ADGRL2: variants seen among roughly 807,000 people sequenced by gnomAD.
The protein encoded by ADGRL2 is calcium-independent alpha-latrotoxin receptor 2.
Under a neutral mutation model 157.4 loss-of-function variants are expected in ADGRL2, and 44 were observed. That is an observed-to-expected ratio of 0.28 (90% CI 0.22 to 0.36). The LOEUF (loss-of-function observed/expected upper bound fraction) is 0.36. ADGRL2 is among the 10% of genes least tolerant of loss of function. The probability of loss-of-function intolerance (pLI) is 1.00; values close to 1 mark genes in which losing one functional copy is unlikely to be tolerated. For missense variants in ADGRL2, 1,510 were observed against 1,768.9 expected (o/e 0.85, Z 2.63); for synonymous variants, 585 against 624.7 (o/e 0.94, Z 0.95).
rs1656382744 is a variant in ADGRL2 at position 81,964,235 on chromosome 1, C to A, written c.2018-1823C>A. Among the ~76,000 whole-genome samples the A allele has an allele frequency of 2.0e-5, 3 of 152,122 alleles. No homozygotes were observed. In the South Asian group the frequency reaches 6.2e-4, roughly 32 times the overall value. On this transcript the variant is annotated intron_variant, in intron 11 of 23. Coordinates refer to ENST00000686636, the MANE Select transcript of ADGRL2 (RefSeq NM_001366006.2). ...AAATATTTGTTTAATGCAATTAACT[C>A]TTTGTACATGTATATCTATGTTTGG...
chr1:81,535,617 A>G (rs1220647915), intron 2 of ADGRL2, among the ~76,000 whole-genome samples: 2 of 152,216 alleles, frequency 1.3e-5, no homozygotes, highest in East Asian at 3.9e-4. Context: ...AGCAGACAGC[A>G]GACCCAGACT....
At chr1:81,713,260 T>A (rs963638685) in intron 1 of ADGRL2, among the ~76,000 whole-genome samples, 6 of 152,114 alleles carry the variant, frequency 3.9e-5, no homozygotes, top group African/African-American at 1.2e-4. Flanking sequence ...GAGACGTGCA[T>A]TTTTATGTCA....
At chr1:81,901,147 CA>C (rs1337633815) in intron 2 of ADGRL2, among the ~76,000 whole-genome samples, 1 of 151,990 alleles carries the variant, frequency 6.6e-6, no homozygotes, top group Non-Finnish European at 1.5e-5. Context: ...CATAAAGAAA[CA>C]GAAAAGTTGA....
chr1:81,446,490 C>T (rs1447872186), intron 2 of ADGRL2, among the ~76,000 whole-genome samples: 1 of 152,196 alleles, frequency 6.6e-6, no homozygotes, highest in African/African-American at 2.4e-5. Context: ...TTGCCACTCA[C>T]GTTCATCCTT....
intron 6 of ADGRL2, among the ~76,000 whole-genome samples, chr1:81,946,325 T>C (rs932590766): frequency 1.3e-5 from 2 of 151,766 alleles, no homozygotes; most frequent in African/African-American, 4.8e-5. Flanking sequence ...ACGCATATTA[T>C]TTTTGTGCCT....
chr1:81,366,566 T>C (rs1205429741), intron 1 of ADGRL2, among the ~76,000 whole-genome samples: 3 of 152,186 alleles, frequency 2.0e-5, no homozygotes, highest in African/African-American at 7.2e-5. Context: ...CCTTAATATA[T>C]ACCAAGGTGA....
chr1:81,754,397 G>A (rs534921490), intron 1 of ADGRL2, among the ~76,000 whole-genome samples: 4 of 150,436 alleles, frequency 2.7e-5, no homozygotes, highest in African/African-American at 9.8e-5. Flanking sequence ...ATGAGACAAC[G>A]CGTGAGCCAC....
chr1:81,448,419 T>C (rs1336212742), intron 2 of ADGRL2, among the ~76,000 whole-genome samples: 1 of 152,102 alleles, frequency 6.6e-6, no homozygotes, highest in Non-Finnish European at 1.5e-5. Context: ...GTGCTGTGAT[T>C]ACAGGCATGA....
chr1:81,723,562 T>C (rs933005070), intron 1 of ADGRL2, among the ~76,000 whole-genome samples: 1 of 152,222 alleles, frequency 6.6e-6, no homozygotes, highest in African/African-American at 2.4e-5. Flanking sequence ...TAAAAGTTTA[T>C]TAGTGCGAGG....
At chr1:81,498,166 G>A (rs1329563047) in intron 2 of ADGRL2, among the ~76,000 whole-genome samples, 1 of 152,196 alleles carries the variant, frequency 6.6e-6, no homozygotes. Flanking sequence ...TATGAAGTAT[G>A]TGTTGTTTTC....
chr1:81,322,809 G>C (rs1261850796), intron 1 of ADGRL2, among the ~76,000 whole-genome samples: 1 of 152,084 alleles, frequency 6.6e-6, no homozygotes, highest in East Asian at 1.9e-4. Flanking sequence ...ACTAAGGGGA[G>C]ATACCATAAA....
intron 2 of ADGRL2, among the ~76,000 whole-genome samples, chr1:81,867,099 A>G (rs1377475188): frequency 6.6e-6 from 1 of 152,206 alleles, no homozygotes; most frequent in Non-Finnish European, 1.5e-5. Context: ...GATCTATGTT[A>G]TTTAAAATAG....
chr1:81,612,645 G>A (rs1263539788), intron 3 of ADGRL2, among the ~76,000 whole-genome samples: 2 of 151,892 alleles, frequency 1.3e-5, no homozygotes, highest in African/African-American at 4.8e-5. Flanking sequence ...TATGGATATA[G>A]TATGCCTATT....
At chr1:81,926,588 A>T (rs17470239) in intron 3 of ADGRL2, among the ~76,000 whole-genome samples, 1 of 151,932 alleles carries the variant, frequency 6.6e-6, no homozygotes, top group African/African-American at 2.4e-5. Context: ...TAAGTGATAC[A>T]GGTTGTAATA....
Position 81,936,868 on chromosome 1 carries a change from T to G in ADGRL2, c.397+31T>G, listed in dbSNP as rs758726186. On this transcript the variant is annotated intron_variant, in intron 4 of 23. Coordinates refer to ENST00000686636, the MANE Select transcript of ADGRL2 (RefSeq NM_001366006.2). Reference sequence around the variant, plus strand: ...TATGCAGTTTATATTTTTTTACACTTTGCCCAGCATTACTTGTTGATGCTG... The same window carrying G: ...TATGCAGTTTATATTTTTTTACACTGTGCCCAGCATTACTTGTTGATGCTG... The G allele has an allele frequency of 3.1e-6, 4 of 1,308,024 alleles. No homozygotes were observed. The South Asian group carries it at 4.7e-5, about 15-fold the overall frequency. The allele number at this position is 1,308,024 out of a possible 1,614,324, so 81.0% of individuals were successfully genotyped here.
intron 1 of ADGRL2, among the ~76,000 whole-genome samples, chr1:81,817,905 TTA>T (rs1358769942): frequency 6.6e-6 from 1 of 152,106 alleles, no homozygotes; most frequent in East Asian, 1.9e-4. Context: ...TGTCTCATGC[TTA>T]TAATCCCAGC....
intron 11 of ADGRL2, among the ~76,000 whole-genome samples, chr1:81,958,097 T>C (rs1249412994): frequency 6.6e-6 from 1 of 151,372 alleles, no homozygotes; most frequent in Admixed American, 6.6e-5. Flanking sequence ...CTCTACTAAA[T>C]GTACAAAAAA....
At chr1:81,928,304 A>G (rs573898222) in intron 3 of ADGRL2, among the ~76,000 whole-genome samples, 41 of 152,220 alleles carry the variant, frequency 2.7e-4, no homozygotes, top group African/African-American at 9.6e-4. Flanking sequence ...ACTATATCCA[A>G]ATTGACAGGG....
chr1:81,448,201 G>A (rs1372558438), intron 2 of ADGRL2, among the ~76,000 whole-genome samples: 1 of 127,294 alleles, frequency 7.9e-6, no homozygotes, highest in Non-Finnish European at 1.6e-5. Context: ...CTGGCATACA[G>A]TGGCTTAATC....
Sources: gnomAD v4.1 joint callset for allele counts (sites outside exome capture counted in the v4.1 genomes callset) on GRCh38, gnomAD v4.1.1 for gene constraint, MANE v1.5 for transcripts, NCBI Gene and HGNC (gene_info 2026-07-23, HGNC 2026-07-21) for gene names.